The following NECAB2 variants were observed in gnomAD, a reference collection of about 807,000 sequenced individuals.
NECAB2 encodes N-terminal EF-hand calcium binding protein 2.
A neutral mutation model predicts 51.9 loss-of-function variants in NECAB2; 68 were observed. The observed-to-expected ratio is 1.31, with a 90% CI of 1.08 to 1.60. NECAB2 has a LOEUF of 1.60. Ranked by LOEUF, NECAB2 falls within the 40% of genes most tolerant of loss-of-function variation. The pLI, the probability that NECAB2 is intolerant of heterozygous loss-of-function variation, is 0.00. For synonymous variants in NECAB2, 329 were observed against 203.5 expected, an observed-to-expected ratio of 1.62 and a Z score of -5.25; for missense variants, 854 against 490.3, an observed-to-expected ratio of 1.74 and a Z score of -7.00.
At chr16:83,992,846 G>A (rs906830945) in intron 6 of NECAB2, among the ~76,000 whole-genome samples, 2 of 152,200 alleles carry the variant, frequency 1.3e-5, no homozygotes, top group Non-Finnish European at 1.5e-5. Flanking sequence ...AGCAGCCATC[G>A]CTGTGAAAAA....
intron 2 of NECAB2, among the ~76,000 whole-genome samples, chr16:83,977,157 C>T (rs1285134281): frequency 1.3e-5 from 2 of 152,186 alleles, no homozygotes; most frequent in Non-Finnish European, 2.9e-5. Flanking sequence ...TCCCAAGCAC[C>T]CAGCTTTGAA....
intron 5 of NECAB2, among the ~76,000 whole-genome samples, chr16:83,981,329 C>T (rs558362041): frequency 6.6e-6 from 1 of 152,178 alleles, no homozygotes; most frequent in East Asian, 1.9e-4. Flanking sequence ...TGGTTGGGAG[C>T]AGGAGGCATT....
intron 11 of NECAB2, 77 bp downstream of exon 11, chr16:84,000,878 C>T (rs980914406): frequency 5.5e-6 from 8 of 1,447,288 alleles, no homozygotes; most frequent in African/African-American, 4.2e-5. Context: ...GCCAGGCATC[C>T]TTGGAGGGGA....
intron 10 of NECAB2, 124 bp downstream of exon 10, chr16:83,998,441 T>G (rs1405670592): frequency 1.1e-5 from 10 of 875,022 alleles, no homozygotes; most frequent in Admixed American, 7.4e-5. Flanking sequence ...CACACACAGC[T>G]GGATGCGTAA....
rs57610964 is a variant in NECAB2 at position 83,993,620 on chromosome 16, CTGTGTGTGTGTGTGTGTGTG to C, written c.597-652_597-633del. 1,354 of 135,440 alleles carry C rather than the reference CTGTGTGTGTGTGTGTGTGTG, an allele frequency of 1.0e-2. 7 individuals are homozygous for C. Among genetic ancestry groups the C allele is most frequent in the Middle Eastern group, 0.029 (22 of 764 alleles). The allele number at this position is 135,440 out of a possible 1,614,324, so 8.4% of individuals were successfully genotyped here. A position where few individuals can be genotyped will look rare whatever the true frequency, so the allele number is the denominator to read the frequency against. On this transcript the variant is annotated intron_variant, in intron 6 of 12. Transcript: ENST00000305202. ...TGTGCTGGACACAGTGCAAGGTGAG[CTGTGTGTGTGTGTGTGTGTG>C]TGTGTGTGTGTGTGTGTGTGTGTGT...
chr16:83,984,436 T>A (rs1187389272), intron 5 of NECAB2, among the ~76,000 whole-genome samples: 14 of 151,590 alleles, frequency 9.2e-5, no homozygotes, highest in Non-Finnish European at 4.4e-5. Flanking sequence ...CAATAAAAGA[T>A]CTGCTGCCGC....
intron 10 of NECAB2, among the ~76,000 whole-genome samples, chr16:83,999,553 C>G (rs1032099674): frequency 6.6e-6 from 1 of 152,180 alleles, no homozygotes; most frequent in African/African-American, 2.4e-5. Flanking sequence ...GCCCCTTCCT[C>G]TAGGCTGAGC....
chr16:83,969,381 GC>G (rs1254782955), intron 1 of NECAB2, among the ~76,000 whole-genome samples: 2 of 151,880 alleles, frequency 1.3e-5, no homozygotes, highest in Non-Finnish European at 2.9e-5. Flanking sequence ...TAAAAGTGAA[GC>G]CCCCTCCCCA....
intron 11 of NECAB2, among the ~76,000 whole-genome samples, chr16:84,001,602 G>A (rs1040318313): frequency 6.6e-5 from 10 of 152,056 alleles, no homozygotes; most frequent in South Asian, 4.1e-4. Context: ...GGGGGATCCC[G>A]CTGCCCATTT....
intron 8 of NECAB2, 124 bp from the exon 9 acceptor site, chr16:83,997,092 A>T: frequency 9.4e-7 from 1 of 1,067,064 alleles, no homozygotes; most frequent in Non-Finnish European, 1.4e-6. Flanking sequence ...TTGGTCTCCC[A>T]GCCCTGTGCA....
chr16:83,983,549 A>G (rs2084515059), intron 5 of NECAB2, among the ~76,000 whole-genome samples: 1 of 152,126 alleles, frequency 6.6e-6, no homozygotes. Flanking sequence ...GGTGGTGGTG[A>G]ATTTTTTCAA....
chr16:83,985,140 C>T (rs950113407), intron 5 of NECAB2, among the ~76,000 whole-genome samples: 3 of 151,464 alleles, frequency 2.0e-5, no homozygotes, highest in African/African-American at 7.3e-5. Flanking sequence ...TGGTGAAACC[C>T]TGTCTGTACT....
rs200728906 is a variant in NECAB2 at position 83,992,384 on chromosome 16, G to GCCCC, written c.596+1757_596+1758insCCCC. Among the ~76,000 whole-genome samples, 14 of 143,408 alleles carry GCCCC rather than the reference G, an allele frequency of 9.8e-5. 1 individual carries two copies. The highest frequency in any genetic ancestry group is 6.6e-4 in the South Asian group (3 of 4,538). 94.1% of individuals were successfully genotyped at this position (143,408 alleles called of 152,430 possible). A position where few individuals can be genotyped will look rare whatever the true frequency, so the allele number is the denominator to read the frequency against. ...GGGGAACACGAGCACCCGTCCCCCC[G>GCCCC]CCCACCTCCATTTGCTGTTTCAAAT... On this transcript the variant is annotated intron_variant, in intron 6 of 12. Transcript: ENST00000305202.
chr16:83,972,309 G>A (rs2084358536), intron 2 of NECAB2, 134 bp downstream of exon 2: 2 of 1,239,084 alleles, frequency 1.6e-6, no homozygotes, highest in Non-Finnish European at 2.3e-6. Context: ...AAGTTAGAAG[G>A]CCAAATCCTG....
chr16:83,980,063 C>T (rs2084465349), intron 3 of NECAB2, among the ~76,000 whole-genome samples: 1 of 152,242 alleles, frequency 6.6e-6, no homozygotes, highest in South Asian at 2.1e-4. Context: ...CAGAAGCCTT[C>T]TGTCCAGATG....
intron 1 of NECAB2, among the ~76,000 whole-genome samples, chr16:83,969,162 C>T (rs977229226): frequency 6.6e-6 from 1 of 151,122 alleles, no homozygotes; most frequent in Admixed American, 6.6e-5. Flanking sequence ...CTAGTTTTGT[C>T]CAAGCCAAAC....
In NECAB2 at chr16:84,002,654, G is replaced by A. The variant is rs970162866; in HGVS notation, c.*308G>A. ...CACATGGCCACGCATGACCCACACTGACCACACCCTGCCCTCTTCGGTGAC... is the reference window on the plus strand; with the variant it reads ...CACATGGCCACGCATGACCCACACTAACCACACCCTGCCCTCTTCGGTGAC... On this transcript the variant is annotated 3_prime_UTR_variant, in exon 13 of 13. Transcript: ENST00000305202. 3 of 501,442 alleles carry A rather than the reference G, an allele frequency of 6.0e-6. No homozygotes were observed. Among genetic ancestry groups the A allele is most frequent in the East Asian group, 7.3e-5 (2 of 27,376 alleles). 31.1% of individuals were successfully genotyped at this position (501,442 alleles called of 1,614,324 possible).
In NECAB2 at chr16:83,998,009, C is replaced by G. The variant is rs113940264; in HGVS notation, c.850-196C>G. 6.5e-3 allele frequency among the ~76,000 whole-genome samples: 988 copies of G among 152,276 alleles called. 10 individuals are homozygous for G. Among genetic ancestry groups the G allele is most frequent in the African/African-American group, 0.023 (938 of 41,540 alleles). ...TTTTCCCCATTTTTGGGGGCTACTTCTGCACTGGGCTCTTGAGGTTCTAGT... is the reference window on the plus strand; with the variant it reads ...TTTTCCCCATTTTTGGGGGCTACTTGTGCACTGGGCTCTTGAGGTTCTAGT... On this transcript the variant is annotated intron_variant, in intron 9 of 12. Transcript: ENST00000305202.
chr16:83,976,523 A>ATG (rs2084413097), intron 2 of NECAB2, among the ~76,000 whole-genome samples: 1 of 152,114 alleles, frequency 6.6e-6, no homozygotes, highest in African/African-American at 2.4e-5. Context: ...ATCCTCTGTC[A>ATG]CAGAACACAG....
Sources: gnomAD v4.1 joint callset for allele counts (sites outside exome capture counted in the v4.1 genomes callset) on GRCh38, gnomAD v4.1.1 for gene constraint, MANE v1.5 for transcripts, NCBI Gene and HGNC (gene_info 2026-07-23, HGNC 2026-07-21) for gene names.